GLIS3: variants seen among roughly 807,000 people sequenced by gnomAD.
GLIS3 encodes zinc finger protein GLIS3.
A neutral mutation model predicts 78.6 loss-of-function variants in GLIS3; 53 were observed. The observed-to-expected ratio is 0.67, with a 90% CI of 0.54 to 0.85. GLIS3 has a LOEUF of 0.85. GLIS3 is among the 40% of genes least tolerant of loss of function. The probability of loss-of-function intolerance (pLI) is 0.00; values close to 1 mark genes in which losing one functional copy is unlikely to be tolerated. For missense variants in GLIS3, 1,703 were observed against 1,231.1 expected (o/e 1.38, Z -5.74); for synonymous variants, 684 against 509.9 (o/e 1.34, Z -4.60).
intron 6 of GLIS3, among the ~76,000 whole-genome samples, chr9:3,902,441 C>T (rs1823377519): frequency 6.6e-6 from 1 of 152,186 alleles, no homozygotes; most frequent in Non-Finnish European, 1.5e-5. Flanking sequence ...TTCAATGTAA[C>T]ATAGTTTTAT....
At chr9:4,259,224 G>C (rs1018958157) in intron 2 of GLIS3, among the ~76,000 whole-genome samples, 1 of 146,100 alleles carries the variant, frequency 6.8e-6, no homozygotes, top group African/African-American at 2.7e-5. Context: ...CCAAAGGTCA[G>C]GGTCTCCAGT....
chr9:4,425,671 A>C, the GLIS3 span, among the ~76,000 whole-genome samples: 1 of 152,172 alleles, frequency 6.6e-6, no homozygotes, highest in Non-Finnish European at 1.5e-5. Context: ...TACTCTTGTA[A>C]ACCTCCTGGG....
At chr9:4,202,824 T>C (rs565621165) in intron 2 of GLIS3, among the ~76,000 whole-genome samples, 2 of 152,192 alleles carry the variant, frequency 1.3e-5, no homozygotes, top group African/African-American at 2.4e-5. Flanking sequence ...TAAGTCAAGA[T>C]GGATTAAAGA....
At chr9:4,428,138 C>T in the GLIS3 span, among the ~76,000 whole-genome samples, 1 of 151,820 alleles carries the variant, frequency 6.6e-6, no homozygotes, top group African/African-American at 2.4e-5. Context: ...AATATGGACC[C>T]CTTAGGGAAA....
chr9:4,125,486 T>C (rs1392376370), intron 3 of GLIS3, among the ~76,000 whole-genome samples: 1 of 152,068 alleles, frequency 6.6e-6, no homozygotes, highest in Non-Finnish European at 1.5e-5. Flanking sequence ...CAATCTCAAA[T>C]TAGGTATTCA....
At chr9:4,343,032 A>T (rs960915784) in intron 2 of GLIS3, among the ~76,000 whole-genome samples, 1 of 152,210 alleles carries the variant, frequency 6.6e-6, no homozygotes, top group Non-Finnish European at 1.5e-5. Flanking sequence ...ATCATTAGAG[A>T]AAAGCAAATC....
intron 2 of GLIS3, among the ~76,000 whole-genome samples, chr9:4,346,296 G>A (rs1460503421): frequency 6.6e-6 from 1 of 152,104 alleles, no homozygotes; most frequent in Non-Finnish European, 1.5e-5. Flanking sequence ...ATGCAGCCTA[G>A]CTTTCAACAG....
chr9:4,059,829 T>TGTGTGAGAGA lies in GLIS3; in HGVS notation c.1710+57938_1710+57939insTCTCTCACAC. Among the ~76,000 whole-genome samples, 316 of 100,708 alleles carry TGTGTGAGAGA rather than the reference T, an allele frequency of 3.1e-3. 2 individuals are homozygous for TGTGTGAGAGA. Among genetic ancestry groups the TGTGTGAGAGA allele is most frequent in the African/African-American group, 1.0e-2 (295 of 29,502 alleles). The allele number at this position is 100,708 out of a possible 152,430, so 66.1% of individuals were successfully genotyped here. A position where few individuals can be genotyped will look rare whatever the true frequency, so the allele number is the denominator to read the frequency against. ...TTGTGTGTGTGTGTGTGTGTGTGTG[T>TGTGTGAGAGA]GAGAGAGAGAGAGAGAGAGAGAGAG... On this transcript the variant is annotated intron_variant, in intron 4 of 10. Transcript: ENST00000381971.
rs750080742 is a variant in GLIS3, at chr9:3,898,785, G to A, written c.2034C>T (p.Thr678=). 6 of 1,614,170 alleles carry A rather than the reference G, an allele frequency of 3.7e-6. No individual in the cohort carries two copies. Among genetic ancestry groups the A allele is most frequent in the Middle Eastern group, 1.7e-4 (1 of 6,060 alleles). ...LHPDLLTDCL[T]VQSLQPATSP... is the part of the protein sequence containing the mutation. ...AAGTGGCCGGCTGCAGGGACTGCAC[G>A]GTGAGGCAATCTGTGAGCAGGTCTG... The change falls in exon 7 of 11, where the codon ACC becomes ACT. Residue 678 remains threonine (T), a synonymous_variant. Transcript: ENST00000381971.
At chr9:3,985,099 A>C (rs76644511) in intron 4 of GLIS3, among the ~76,000 whole-genome samples, 4 of 149,902 alleles carry the variant, frequency 2.7e-5, no homozygotes, top group Non-Finnish European at 5.9e-5. Context: ...CAATTCACAA[A>C]AAAAAAAAAA....
chr9:4,045,329 C>G (rs778267624), intron 4 of GLIS3, among the ~76,000 whole-genome samples: 17 of 151,444 alleles, frequency 1.1e-4, no homozygotes, highest in Non-Finnish European at 2.2e-4. Context: ...GAACTTTTTG[C>G]TATAAAAATG....
intron 4 of GLIS3, among the ~76,000 whole-genome samples, chr9:4,014,032 T>C (rs905499565): frequency 6.6e-6 from 1 of 152,106 alleles, no homozygotes; most frequent in Non-Finnish European, 1.5e-5. Flanking sequence ...CCTTGAAAAA[T>C]GAAAGGCAGA....
intron 2 of GLIS3, among the ~76,000 whole-genome samples, chr9:4,183,755 A>G (rs756613219): frequency 6.6e-6 from 1 of 152,228 alleles, no homozygotes; most frequent in Non-Finnish European, 1.5e-5. Context: ...ACAACTGATT[A>G]AAGAGTTCTT....
In GLIS3 at chr9:4,266,512, T is replaced by A. The variant is rs528941615; in HGVS notation, c.388+19526A>T. The stretch of plus-strand genomic sequence containing the variant: ...TTAGGAACAAACCATCTGTGCACCC[T>A]ATTAAGGTACCACTGGTTCTTACTG... On this transcript the variant is annotated intron_variant, in intron 2 of 10. Coordinates refer to ENST00000381971, the MANE Select transcript of GLIS3 (RefSeq NM_001042413.2). 2.6e-5 allele frequency among the ~76,000 whole-genome samples: 4 copies of A among 152,178 alleles called. No individual in the cohort carries two copies. The South Asian group carries it at 8.3e-4, about 32-fold the overall frequency.
At chr9:4,353,821 C>G in the GLIS3 span, among the ~76,000 whole-genome samples, 5 of 152,062 alleles carry the variant, frequency 3.3e-5, no homozygotes, top group Admixed American at 2.6e-4. Context: ...TGTTGATTTG[C>G]TTTTGTTTCC....
the GLIS3 span, among the ~76,000 whole-genome samples, chr9:4,397,180 T>C: frequency 0.053 from 7,069 of 134,598 alleles, 853 homozygotes; most frequent in East Asian, 0.25. Context: ...TGCCCGCCAC[T>C]ACGCCCGGCT....
chr9:3,988,633 T>C (rs1319439117), intron 4 of GLIS3, among the ~76,000 whole-genome samples: 1 of 152,096 alleles, frequency 6.6e-6, no homozygotes, highest in East Asian at 1.9e-4. Context: ...TTGACAAAGA[T>C]GCATAATCAA....
At chr9:4,421,137 T>C in the GLIS3 span, among the ~76,000 whole-genome samples, 1 of 152,326 alleles carries the variant, frequency 6.6e-6, no homozygotes, top group South Asian at 2.1e-4. Flanking sequence ...TAAAGCACTG[T>C]GAAAGCAATA....
intron 2 of GLIS3, among the ~76,000 whole-genome samples, chr9:4,186,862 T>C (rs1305758769): frequency 6.6e-6 from 1 of 152,290 alleles, no homozygotes; most frequent in East Asian, 1.9e-4. Context: ...TTCTTGTAAA[T>C]TTGTTTGAGT....
Sources: allele counts gnomAD v4.1 joint callset (sites outside exome capture counted in the v4.1 genomes callset), GRCh38; gene constraint gnomAD v4.1.1; transcripts MANE v1.5; gene names NCBI Gene and HGNC (gene_info 2026-07-23, HGNC 2026-07-21).